GAPVD1: variants seen among roughly 807,000 people sequenced by gnomAD.
GAPVD1 encodes GTPase-activating protein and VPS9 domain-containing protein 1.
In GAPVD1, 35 loss-of-function variants were observed where a neutral mutation model predicts 155.5. That is an observed-to-expected ratio of 0.23 (90% CI 0.17 to 0.30). GAPVD1 has a LOEUF of 0.30. GAPVD1 is among the 10% of genes least tolerant of loss of function. The pLI is 1.00. For synonymous variants in GAPVD1, 636 were observed against 619.7 expected (o/e 1.03, Z -0.39); for missense variants, 1,429 against 1,775.7 (o/e 0.80, Z 3.51).
At chr9:125,338,284 G>C (rs1477639225) in intron 17 of GAPVD1, among the ~76,000 whole-genome samples, 1 of 152,168 alleles carries the variant, frequency 6.6e-6, no homozygotes, top group East Asian at 1.9e-4. Flanking sequence ...TGATGCTCCA[G>C]TACCCCTAAA....
intron 17 of GAPVD1, among the ~76,000 whole-genome samples, chr9:125,340,643 A>G (rs983670363): frequency 2.0e-5 from 3 of 152,052 alleles, no homozygotes; most frequent in Admixed American, 1.3e-4. Flanking sequence ...TCTGGAGTTT[A>G]TTTGTACTGC....
chr9:125,291,953 A>G (rs1490690132), intron 2 of GAPVD1, among the ~76,000 whole-genome samples: 12 of 152,116 alleles, frequency 7.9e-5, no homozygotes, highest in Admixed American at 7.9e-4. Context: ...GTACAAAGCT[A>G]TCCAGGTGCC....
intron 9 of GAPVD1, among the ~76,000 whole-genome samples, chr9:125,317,781 A>C (rs2131397748): frequency 6.6e-6 from 1 of 152,250 alleles, no homozygotes; most frequent in African/African-American, 2.4e-5. Context: ...AACCAAGAGA[A>C]CAAGGTCTCA....
chr9:125,341,135 C>G (rs1269175874), intron 17 of GAPVD1, 42 bp from the exon 18 acceptor site: 1 of 935,036 alleles, frequency 1.1e-6, no homozygotes, highest in East Asian at 2.4e-5. Flanking sequence ...GTAATTTATC[C>G]TGCTATCCAA....
intron 19 of GAPVD1, chr9:125,345,779 G>C (rs1848435846): frequency 6.6e-6 from 1 of 152,096 alleles, no homozygotes; most frequent in Non-Finnish European, 1.5e-5. Context: ...CCTGGCATGT[G>C]GTAAGTGCTC....
chr9:125,287,903 G>A (rs1837961415), intron 2 of GAPVD1: 2 of 151,740 alleles, frequency 1.3e-5, no homozygotes, highest in Admixed American at 6.6e-5. Context: ...ACCATGTCCA[G>A]CTAGTTTTTG....
intron 2 of GAPVD1, among the ~76,000 whole-genome samples, chr9:125,276,638 G>C (rs142574639): frequency 6.6e-6 from 1 of 152,134 alleles, no homozygotes; most frequent in Non-Finnish European, 1.5e-5. Context: ...GCAGTGAGCC[G>C]AGAGTGCACC....
chr9:125,286,517 C>T (rs553069542), intron 2 of GAPVD1, among the ~76,000 whole-genome samples: 28 of 151,908 alleles, frequency 1.8e-4, no homozygotes, highest in South Asian at 1.0e-3. Flanking sequence ...AGAAACTGCT[C>T]GTGAATTTCA....
Position 125,354,695 on chromosome 9 carries a change from A to G in GAPVD1, c.3611A>G (p.Gln1204Arg). The G allele has an allele frequency of 7.4e-6, 12 of 1,613,780 alleles. No individual in the cohort carries two copies. The highest frequency in any genetic ancestry group is 1.0e-5 in the Non-Finnish European group (12 of 1,179,714). Residue 1204 changes from glutamine to arginine, a missense_variant, in exon 24 of 28, where the codon CAA (glutamine) becomes CGA (arginine). Physicochemically the swap from Gln to Arg is conservative, Grantham distance 43 (BLOSUM62 1). Around this residue, in one of 4 missense-constraint regions of GAPVD1, gnomAD observed 699 missense variants for 826.0 expected, o/e 0.85. Transcript: ENST00000297933. ...ATTGCTTATCTCACTCGTTGTCGACAAGGACTACAGACCACACAGGCTCAC... is the reference window on the plus strand; with the variant it reads ...ATTGCTTATCTCACTCGTTGTCGACGAGGACTACAGACCACACAGGCTCAC... ...PYIAYLTRCRQGLQTTQAHLE... is the reference protein window; with the variant it reads ...PYIAYLTRCRRGLQTTQAHLE...
chr9:125,287,654 C>A (rs1837925192), intron 2 of GAPVD1: 1 of 152,196 alleles, frequency 6.6e-6, no homozygotes, highest in Non-Finnish European at 1.5e-5. Flanking sequence ...TGGAAATTAT[C>A]TCTGAGGGGT....
intron 9 of GAPVD1, among the ~76,000 whole-genome samples, chr9:125,319,509 A>T (rs1210720728): frequency 6.7e-6 from 1 of 150,002 alleles, no homozygotes; most frequent in Non-Finnish European, 1.5e-5. Flanking sequence ...GGTTCAAGTG[A>T]TTCTCCAGCC....
intron 20 of GAPVD1, among the ~76,000 whole-genome samples, chr9:125,348,752 TCCAC>T (rs551880358): frequency 3.2e-4 from 49 of 152,324 alleles, no homozygotes; most frequent in African/African-American, 1.0e-3. Context: ...CCTCATGTGA[TCCAC>T]CCACCAAAGC....
intron 4 of GAPVD1, 112 bp from the exon 5 acceptor site, chr9:125,301,871 C>T: frequency 1.2e-6 from 1 of 856,822 alleles, no homozygotes; most frequent in Non-Finnish European, 1.7e-6. Flanking sequence ...TCAGAGTGAC[C>T]TCATTGTTGG....
In GAPVD1 at chr9:125,308,118, CT is replaced by C. The variant is rs1196743371; in HGVS notation, c.1441+241del. The C allele has an allele frequency of 5.4e-6, 3 of 558,242 alleles. No individual in the cohort carries two copies. The African/African-American group carries it at 5.6e-5, about 10-fold the overall frequency. 34.6% of individuals were successfully genotyped at this position (558,242 alleles called of 1,614,324 possible). ...TTGAAGTCATGCTATCCACAGTATA[CT>C]TTCTTTAAATTTTATTGTCTTTTCT... On this transcript the variant is annotated intron_variant, in intron 8 of 27. Transcript: ENST00000297933.
intron 2 of GAPVD1, among the ~76,000 whole-genome samples, chr9:125,280,827 G>A (rs1348290448): frequency 6.6e-6 from 1 of 151,870 alleles, no homozygotes; most frequent in Non-Finnish European, 1.5e-5. Context: ...CGCCTGTCTC[G>A]GCCTTCCAAA....
chr9:125,352,763 G>T (rs990084497), intron 23 of GAPVD1, among the ~76,000 whole-genome samples: 3 of 152,086 alleles, frequency 2.0e-5, no homozygotes, highest in Non-Finnish European at 2.9e-5. Flanking sequence ...GTTTTCTATC[G>T]CATTGTCAGG....
intron 2 of GAPVD1, among the ~76,000 whole-genome samples, chr9:125,279,602 TAAAA>T (rs889068530): frequency 1.8e-4 from 25 of 135,222 alleles, no homozygotes; most frequent in Non-Finnish European, 3.7e-4. Flanking sequence ...AAATCAAAAA[TAAAA>T]AAAAAACACT....
chr9:125,264,758 G>T lies in GAPVD1; in HGVS notation c.-199+2799G>T, dbSNP rs1000763674. On this transcript the variant is annotated intron_variant, in intron 1 of 27. Transcript: ENST00000297933. ...TTCTGAGATGGAGTCTCAGGCTGTCGCCCAGGCTGGAGTGCAGTGGCGCGA... is the reference window on the plus strand; with the variant it reads ...TTCTGAGATGGAGTCTCAGGCTGTCTCCCAGGCTGGAGTGCAGTGGCGCGA... 3.3e-5 allele frequency among the ~76,000 whole-genome samples: 5 copies of T among 149,832 alleles called. No individual in the cohort carries two copies. The Admixed American group carries it at 3.3e-4, about 10-fold the overall frequency.
chr9:125,296,196 TGA>T (rs1209975681), intron 3 of GAPVD1, among the ~76,000 whole-genome samples: 1 of 151,260 alleles, frequency 6.6e-6, no homozygotes, highest in African/African-American at 2.4e-5. Context: ...TTTTTTTTTT[TGA>T]GAGAGAGTCT....
Sources: allele counts gnomAD v4.1 joint callset (sites outside exome capture counted in the v4.1 genomes callset), GRCh38; gene constraint gnomAD v4.1.1; regional missense constraint gnomAD v4.1.1; transcripts MANE v1.5; gene names NCBI Gene and HGNC (gene_info 2026-07-23, HGNC 2026-07-21).